TET2: variants seen among roughly 807,000 people sequenced by gnomAD.
The protein encoded by TET2 is tet methylcytosine dioxygenase 2.
In TET2, 299 loss-of-function variants were observed where a neutral mutation model predicts 142.9. The ratio of observed to expected loss-of-function variants is 2.09; its 90% CI spans 1.90 to 2.30. The LOEUF (loss-of-function observed/expected upper bound fraction) is 2.30. Ranked by LOEUF, TET2 falls within the 30% of genes most tolerant of loss-of-function variation. TET2 has a pLI of 0.00. For synonymous variants in TET2, 819 were observed against 849.0 expected, an observed-to-expected ratio of 0.96 and a Z score of 0.61; for missense variants, 2,418 against 2,378.0, an observed-to-expected ratio of 1.02 and a Z score of -0.35.
Position 105,276,652 on chromosome 4 carries a change from C to T in TET2, c.*133C>T. 9.7e-7 allele frequency: 1 copy of T among 1,032,120 alleles called. No individual in the cohort carries two copies. The highest frequency in any genetic ancestry group is 1.4e-6 in the Non-Finnish European group (1 of 730,060). 63.9% of individuals were successfully genotyped at this position (1,032,120 alleles called of 1,614,324 possible). Reference sequence around the variant, plus strand: ...AAATGTGGTGGGAAAAACCTCAGCTCACCAGCAACAAAAGAGGTTATCTTA... The same window carrying T: ...AAATGTGGTGGGAAAAACCTCAGCTTACCAGCAACAAAAGAGGTTATCTTA... On this transcript the variant is annotated 3_prime_UTR_variant, in exon 11 of 11. Transcript: ENST00000380013.
intron 4 of TET2, chr4:105,241,823 A>T: frequency 8.0e-7 from 1 of 1,248,292 alleles, no homozygotes; most frequent in Non-Finnish European, 1.0e-6. Flanking sequence ...AGAACCACTG[A>T]ATTAAATTCA....
intron 1 of TET2, among the ~76,000 whole-genome samples, chr4:105,185,475 T>C (rs1194022305): frequency 1.3e-5 from 2 of 152,198 alleles, no homozygotes; most frequent in African/African-American, 4.8e-5. Context: ...ATAAAGTAGA[T>C]AATACCTTTC....
At chr4:105,273,509 G>T (rs1380528555) in intron 10 of TET2, among the ~76,000 whole-genome samples, 1 of 152,134 alleles carries the variant, frequency 6.6e-6, no homozygotes, top group East Asian at 1.9e-4. Context: ...TTGTTGGTTA[G>T]TAGCAAAGAT....
chr4:105,188,766 G>A (rs1725610747), intron 1 of TET2, among the ~76,000 whole-genome samples: 1 of 152,076 alleles, frequency 6.6e-6, no homozygotes, highest in Non-Finnish European at 1.5e-5. Context: ...GCCAAATTTT[G>A]TATGGTTTTA....
rs1731290539 is a variant in TET2, at chr4:105,277,857, G to A, written c.*1338G>A. 1 of 224,232 alleles carries A rather than the reference G, an allele frequency of 4.5e-6. No homozygotes were observed. Among genetic ancestry groups the A allele is most frequent in the East Asian group, 6.5e-5 (1 of 15,496 alleles). The allele number at this position is 224,232 out of a possible 1,614,324, so 13.9% of individuals were successfully genotyped here. A position where few individuals can be genotyped will look rare whatever the true frequency, so the allele number is the denominator to read the frequency against. On this transcript the variant is annotated 3_prime_UTR_variant, in exon 11 of 11. Transcript: ENST00000380013. ...TATTTTATGGATCATAGGCTCTTCA[G>A]AGAACTGAATGGCAGTCTGCCTTTG...
chr4:105,198,383 T>G (rs1726220694), intron 2 of TET2, among the ~76,000 whole-genome samples: 2 of 152,184 alleles, frequency 1.3e-5, no homozygotes, highest in Admixed American at 1.3e-4. Flanking sequence ...GCTTTTTGAT[T>G]TAACGAAGGT....
Position 105,259,764 on chromosome 4 carries a change from A to G in TET2, c.3949A>G (p.Lys1317Glu), listed in dbSNP as rs1163224618. Residue 1317 changes from lysine (K) to glutamate (E), a missense_variant, in exon 7 of 11, where the codon AAA becomes GAA. Lys to Glu is a moderately conservative substitution (Grantham distance 56, BLOSUM62 1). Coordinates refer to ENST00000380013, the MANE Select transcript of TET2 (RefSeq NM_001127208.3). ...RKFKLLGDDP[K>E]EEEKLESHLQ... ...GTTTAAGCTGCTTGGGGATGACCCA[A>G]AAGAGGTTTGTTTACTTCCTGATGT... 7.1e-6 allele frequency: 11 copies of G among 1,550,326 alleles called. No individual in the cohort carries two copies. In the Admixed American group the frequency reaches 2.0e-4, roughly 28 times the overall value.
intron 6 of TET2, among the ~76,000 whole-genome samples, chr4:105,247,714 C>CTT (rs1206510081): frequency 0.023 from 1,500 of 65,310 alleles, 75 homozygotes; most frequent in African/African-American, 0.063. Flanking sequence ...TTTTTCTTTT[C>CTT]TTTTTTTTTT....
chr4:105,273,812 A>C (rs1377467761), intron 10 of TET2, among the ~76,000 whole-genome samples: 1 of 152,220 alleles, frequency 6.6e-6, no homozygotes, highest in Non-Finnish European at 1.5e-5. Context: ...TTTACCCATC[A>C]AAATAGATTA....
At chr4:105,211,696 C>T (rs929590256) in intron 2 of TET2, among the ~76,000 whole-genome samples, 2 of 151,932 alleles carry the variant, frequency 1.3e-5, no homozygotes, top group Admixed American at 6.6e-5. Flanking sequence ...TTAATTGAGC[C>T]GTGAAAGATA....
chr4:105,176,230 C>G (rs151034447), intron 1 of TET2, among the ~76,000 whole-genome samples: 1 of 152,218 alleles, frequency 6.6e-6, no homozygotes, highest in East Asian at 1.9e-4. Flanking sequence ...CTGCTAAGAT[C>G]AAGAACAAGA....
chr4:105,229,636 A>T (rs190594160), intron 2 of TET2, among the ~76,000 whole-genome samples: 3 of 151,266 alleles, frequency 2.0e-5, no homozygotes, highest in Non-Finnish European at 4.4e-5. Context: ...AGTAATACAC[A>T]TGCTTGGAAG....
At chr4:105,157,626 A>G (rs1188195014) in intron 1 of TET2, among the ~76,000 whole-genome samples, 3 of 152,154 alleles carry the variant, frequency 2.0e-5, no homozygotes, top group Non-Finnish European at 4.4e-5. Flanking sequence ...TGAAAAGCAA[A>G]CTTGAAAAAG....
chr4:105,173,941 C>T (rs1283905666), intron 1 of TET2, among the ~76,000 whole-genome samples: 5 of 151,838 alleles, frequency 3.3e-5, no homozygotes, highest in Non-Finnish European at 5.9e-5. Context: ...TATATTTTAC[C>T]CATGCATGCA....
intron 3 of TET2, chr4:105,240,698 C>T (rs576254060): frequency 2.2e-4 from 235 of 1,080,280 alleles, no homozygotes; most frequent in Admixed American, 1.8e-3. Flanking sequence ...TCACCCACCC[C>T]TATCTTCCCA....
In TET2 at chr4:105,275,616, G is replaced by A. The variant is rs1179840534; in HGVS notation, c.5106G>A (p.Gln1702=). The change falls in exon 11 of 11, where the codon CAG becomes CAA. Residue 1702 remains glutamine (Q), a synonymous_variant. Transcript: ENST00000380013. ...TAGGTTATGGAAACCAAAATATGCA[G>A]GGAGATGGTTTCAGCAGTTGTACCA... is the stretch of plus-strand genomic sequence containing the variant. ...KYLGYGNQNM[Q]GDGFSSCTIR... is the part of the protein sequence containing the mutation. 6 of 1,551,734 alleles carry A rather than the reference G, an allele frequency of 3.9e-6. No homozygotes were observed. The highest frequency in any genetic ancestry group is 1.7e-4 in the Middle Eastern group (1 of 6,016).
At chr4:105,237,776 A>G in intron 3 of TET2, 1 of 1,145,534 alleles carries the variant, frequency 8.7e-7, no homozygotes, top group African/African-American at 1.6e-5. Flanking sequence ...TCAAGGTAAA[A>G]TATATTAGTT....
rs1730854163 is a variant in TET2 at position 105,269,661 on chromosome 4, C to T, written c.4096C>T (p.Arg1366Cys). 1.9e-6 allele frequency: 3 copies of T among 1,551,510 alleles called. No individual in the cohort carries two copies. The highest frequency in any genetic ancestry group is 2.4e-5 in the East Asian group (1 of 40,920). The change falls in exon 9 of 11, where the codon CGT (arginine) becomes TGT (cysteine). Residue 1366 changes from arginine to cysteine, a missense_variant. Coordinates refer to ENST00000380013, the MANE Select transcript of TET2 (RefSeq NM_001127208.3). ...GTGCCGTCTGGGTCTGAAGGAAGGCCGTCCATTCTCAGGGGTCACTGCATG... is the reference window on the plus strand; with the variant it reads ...GTGCCGTCTGGGTCTGAAGGAAGGCTGTCCATTCTCAGGGGTCACTGCATG... ...PECRLGLKEG[R>C]PFSGVTACLD...
intron 8 of TET2, among the ~76,000 whole-genome samples, chr4:105,268,538 G>A (rs1730801594): frequency 1.3e-5 from 2 of 152,268 alleles, no homozygotes; most frequent in Admixed American, 6.5e-5. Context: ...GGACAAGATG[G>A]CTGTAAAATA....
Sources: allele counts gnomAD v4.1 joint callset (sites outside exome capture counted in the v4.1 genomes callset), GRCh38; gene constraint gnomAD v4.1.1; transcripts MANE v1.5; gene names NCBI Gene and HGNC (gene_info 2026-07-23, HGNC 2026-07-21).